GPC1: variants seen among roughly 807,000 people sequenced by gnomAD.
The protein encoded by GPC1 is glypican 1, also known as glypican-1.
Under a neutral mutation model 51.5 loss-of-function variants are expected in GPC1, and 26 were observed. The observed-to-expected ratio is 0.50, with a 90% CI of 0.37 to 0.70. The LOEUF is 0.70. Ranked by LOEUF, GPC1 falls within the 30% of genes least tolerant of loss-of-function variation. GPC1 has a pLI of 0.00. For missense variants in GPC1, 775 were observed against 800.5 expected (o/e 0.97, Z 0.38); for synonymous variants, 380 against 348.3 (o/e 1.09, Z -1.01).
rs1488213403 is a variant in GPC1 at position 240,448,304 on chromosome 2, G to A, written c.167-10726G>A. On this transcript the variant is annotated intron_variant, in intron 1 of 8. Coordinates refer to ENST00000264039, the MANE Select transcript of GPC1 (RefSeq NM_002081.3). This position sits in a 1 kb window ranked among gnomAD's most constrained non-coding sequence, Gnocchi z 4.5. ...GGATCTCATGTGCCCGCCCCAGGCA[G>A]TGTCCCCAACCTCTGCCCAGAGCCA... 2.6e-5 allele frequency among the ~76,000 whole-genome samples: 4 copies of A among 152,036 alleles called. No homozygotes were observed. The highest frequency in any genetic ancestry group is 5.9e-5 in the Non-Finnish European group (4 of 67,962).
intron 1 of GPC1, chr2:240,454,952 G>T: frequency 4.2e-6 from 1 of 236,124 alleles, no homozygotes; most frequent in South Asian, 4.4e-5. Context: ...GGGTGAAGGT[G>T]CTGATGACCA....
At chr2:240,464,471 C>T (rs1454329951) in intron 4 of GPC1, 145 bp from the exon 5 acceptor site, 1 of 1,099,492 alleles carries the variant, frequency 9.1e-7, no homozygotes. Context: ...ACGGGCCAAC[C>T]TGAGTGCACA....
At chr2:240,461,849 C>T (rs1278961779) in intron 2 of GPC1, among the ~76,000 whole-genome samples, 1 of 152,090 alleles carries the variant, frequency 6.6e-6, no homozygotes, top group Non-Finnish European at 1.5e-5. Flanking sequence ...CCATCTCCAC[C>T]AGCAGCCCCT....
intron 3 of GPC1, 69 bp downstream of exon 3, chr2:240,462,651 C>T (rs1023768109): frequency 1.2e-5 from 17 of 1,374,984 alleles, no homozygotes; most frequent in Admixed American, 9.2e-5. Flanking sequence ...GGGACTTCCT[C>T]TTCCCCCTAC....
chr2:240,465,242 C>G (rs778393107), intron 7 of GPC1, 32 bp downstream of exon 7: 1 of 1,577,082 alleles, frequency 6.3e-7, no homozygotes, highest in South Asian at 1.2e-5. Flanking sequence ...ACAGCCCTCC[C>G]TCCCATGCCG....
intron 7 of GPC1, 98 bp downstream of exon 7, chr2:240,465,308 C>T (rs2074251530): frequency 1.4e-6 from 2 of 1,412,344 alleles, no homozygotes; most frequent in South Asian, 2.8e-5. Context: ...ACGTCCCTTG[C>T]TGGAGGGCTT....
At chr2:240,457,408 T>C (rs1254227704) in intron 1 of GPC1, 1 of 469,326 alleles carries the variant, frequency 2.1e-6, no homozygotes, top group South Asian at 1.6e-5. Flanking sequence ...TCCCTGAGTG[T>C]GTGTACTTAG....
Position 240,444,329 on chromosome 2 carries a change from A to G in GPC1, c.166+8245A>G, listed in dbSNP as rs117366377. 1.4e-4 allele frequency among the ~76,000 whole-genome samples: 21 copies of G among 152,324 alleles called. No homozygotes were observed. In the East Asian group the frequency reaches 4.1e-3, roughly 29 times the overall value. ...TGCTAGGCTTCTGCTCTCGCCCCACAGAAGTTCAGGTTCTACTGAGAAACT... is the reference window on the plus strand; with the variant it reads ...TGCTAGGCTTCTGCTCTCGCCCCACGGAAGTTCAGGTTCTACTGAGAAACT... On this transcript the variant is annotated intron_variant, in intron 1 of 8. Transcript: ENST00000264039.
At chr2:240,452,909 C>A in intron 1 of GPC1, 1 of 279,910 alleles carries the variant, frequency 3.6e-6, no homozygotes, top group Non-Finnish European at 7.2e-6. Flanking sequence ...GCTGGCTTTT[C>A]GCCTCCTGCG....
At chr2:240,442,184 C>G (rs886207213) in intron 1 of GPC1, 1 of 150,394 alleles carries the variant, frequency 6.6e-6, no homozygotes, top group African/African-American at 2.5e-5. Context: ...TTCCCCACAG[C>G]TTGACTTCCC....
rs2074258513 is a variant in GPC1 at position 240,466,045 on chromosome 2, C to T, written c.1445-13C>T. 3.2e-6 allele frequency: 5 copies of T among 1,583,144 alleles called. No individual in the cohort carries two copies. The South Asian group carries it at 3.3e-5, about 11-fold the overall frequency. The stretch of plus-strand genomic sequence containing the variant: ...GTGGGGACCTGCCTGCCGGAGCCTC[C>T]TCTCCTTCCCAGGTGACGACGGCAG... On this transcript the variant is annotated splice_polypyrimidine_tract_variant and intron_variant, in intron 8 of 8. Coordinates refer to ENST00000264039, the MANE Select transcript of GPC1 (RefSeq NM_002081.3).
intron 1 of GPC1, chr2:240,456,499 C>T (rs2074165559): frequency 2.3e-6 from 1 of 429,384 alleles, no homozygotes; most frequent in Non-Finnish European, 5.0e-6. Context: ...CAGCTGAGCC[C>T]ATCTCAGCTG....
chr2:240,462,517 G>C lies in GPC1; in HGVS notation c.652G>C (p.Val218Leu). ...GCGCCTGCGGGCCACCCGTGCCTTC[G>C]TGGCTGCTCGCTCCTTTGTGCAGGG... is the stretch of plus-strand genomic sequence containing the variant. ...ELRLRATRAF[V>L]AARSFVQGLG... is the part of the protein sequence containing the mutation. The change falls in exon 3 of 9, where the codon GTG (valine) becomes CTG (leucine). Residue 218 changes from valine (V) to leucine (L), a missense_variant. By Grantham distance (32) the Val-to-Leu change is conservative. Coordinates refer to ENST00000264039, the MANE Select transcript of GPC1 (RefSeq NM_002081.3). The C allele has an allele frequency of 6.3e-7, 1 of 1,584,652 alleles. No homozygotes were observed. The highest frequency in any genetic ancestry group is 8.6e-7 in the Non-Finnish European group (1 of 1,166,810).
At chr2:240,463,597 T>C (rs881029) in intron 4 of GPC1, 85 bp downstream of exon 4, 246,748 of 1,200,094 alleles carry the variant, frequency 0.21, 27,046 homozygotes, top group African/African-American at 0.32. Flanking sequence ...GTCCCTAGCT[T>C]AGAGCTTGGA....
chr2:240,437,006 C>CA (rs946099838), intron 1 of GPC1, among the ~76,000 whole-genome samples: 168 of 152,356 alleles, frequency 1.1e-3, no homozygotes, highest in African/African-American at 3.8e-3. Context: ...TCTTGGAACC[C>CA]AAGCTTCACC....
intron 1 of GPC1, chr2:240,458,704 G>A: frequency 3.3e-6 from 1 of 306,910 alleles, no homozygotes; most frequent in Non-Finnish European, 6.1e-6. Flanking sequence ...CTCCACACTT[G>A]CACACAGGAA....
In GPC1 at chr2:240,465,069, C is replaced by T; in HGVS notation, c.1135-8C>T. 6.3e-7 allele frequency: 1 copy of T among 1,599,604 alleles called. No individual in the cohort carries two copies. Among genetic ancestry groups the T allele is most frequent in the East Asian group, 2.3e-5 (1 of 44,220 alleles). ...TGGCAGCCCAGTGGCCTGACTGCTG[C>T]CCCACAGGTCTCCGAAGCCAAGGCC... On this transcript the variant is annotated splice_polypyrimidine_tract_variant and splice_region_variant and intron_variant, in intron 6 of 8. Transcript: ENST00000264039.
intron 1 of GPC1, chr2:240,452,794 C>A (rs1331831489): frequency 6.7e-6 from 1 of 148,974 alleles, no homozygotes; most frequent in Non-Finnish European, 1.5e-5. Flanking sequence ...CGCCGGGAGC[C>A]ACCGCCCTCG....
Position 240,459,107 on chromosome 2 carries a change from C to T in GPC1, c.244C>T (p.His82Tyr), listed in dbSNP as rs2074194976. ...GGAGGAGAACCTGGCCAACCGCAGCCATGCCGAGCTGGAGACCGCGCTCCG... is the reference window on the plus strand; with the variant it reads ...GGAGGAGAACCTGGCCAACCGCAGCTATGCCGAGCTGGAGACCGCGCTCCG... ...EMEENLANRS[H>Y]AELETALRDS... The change falls in exon 2 of 9, where the codon CAT (histidine) becomes TAT (tyrosine). Residue 82 changes from histidine to tyrosine, a missense_variant. By Grantham distance (83) the His-to-Tyr change is moderately conservative (BLOSUM62 2). Transcript: ENST00000264039. 1 of 1,612,828 alleles carries T rather than the reference C, an allele frequency of 6.2e-7. No individual in the cohort carries two copies. The highest frequency in any genetic ancestry group is 8.5e-7 in the Non-Finnish European group (1 of 1,179,892).
Sources: gnomAD v4.1 joint callset for allele counts (sites outside exome capture counted in the v4.1 genomes callset) on GRCh38, gnomAD v4.1.1 for gene constraint, Gnocchi (gnomAD v3.1) non-coding constraint, MANE v1.5 for transcripts, NCBI Gene and HGNC (gene_info 2026-07-23, HGNC 2026-07-21) for gene names.